CMTM7: variants seen among roughly 807,000 people sequenced by gnomAD.
The protein encoded by CMTM7 is CKLF-like MARVEL transmembrane domain-containing protein 7.
In CMTM7, 7 loss-of-function variants were observed where a neutral mutation model predicts 19.3. That is an observed-to-expected ratio of 0.36 (90% CI 0.21 to 0.68). CMTM7 has a LOEUF of 0.68. CMTM7 is among the 30% of genes least tolerant of loss of function. CMTM7 has a pLI of 0.60. For missense variants in CMTM7, 193 were observed against 232.6 expected (o/e 0.83, Z 1.11); for synonymous variants, 87 against 99.3 (o/e 0.88, Z 0.74).
intron 1 of CMTM7, 58 bp from the exon 2 acceptor site, chr3:32,441,782 G>T: frequency 6.6e-7 from 1 of 1,511,812 alleles, no homozygotes; most frequent in Non-Finnish European, 9.1e-7. Context: ...TCCGTTGTTT[G>T]TTCCCTGGGT....
At chr3:32,393,471 G>T (rs1695870100) in intron 1 of CMTM7, among the ~76,000 whole-genome samples, 2 of 152,138 alleles carry the variant, frequency 1.3e-5, no homozygotes, top group Non-Finnish European at 1.5e-5. Context: ...GGATGAGTTT[G>T]GTAGACAGAG....
At chr3:32,405,619 G>A (rs978511635) in intron 1 of CMTM7, among the ~76,000 whole-genome samples, 1 of 152,184 alleles carries the variant, frequency 6.6e-6, no homozygotes, top group Non-Finnish European at 1.5e-5. Flanking sequence ...GCCAAGTGTG[G>A]TGGCTCGCGC....
At chr3:32,405,048 A>T (rs905802002) in intron 1 of CMTM7, among the ~76,000 whole-genome samples, 57 of 152,224 alleles carry the variant, frequency 3.7e-4, no homozygotes, top group Admixed American at 3.7e-3. Context: ...AAGCCAGAGC[A>T]GCCCTCAGCT....
chr3:32,451,382 G>T (rs1048263264), intron 3 of CMTM7: 4 of 152,514 alleles, frequency 2.6e-5, no homozygotes, highest in African/African-American at 9.6e-5. Flanking sequence ...ACTGCAGAGT[G>T]CGGACTCTGG....
intron 1 of CMTM7, among the ~76,000 whole-genome samples, chr3:32,419,592 A>G (rs1055483852): frequency 6.6e-6 from 1 of 152,078 alleles, no homozygotes; most frequent in African/African-American, 2.4e-5. Flanking sequence ...ATGACTGGAT[A>G]TTGAATTTTG....
intron 1 of CMTM7, among the ~76,000 whole-genome samples, chr3:32,424,933 A>G (rs531882483): frequency 6.6e-6 from 1 of 152,334 alleles, no homozygotes; most frequent in South Asian, 2.1e-4. Flanking sequence ...GGCATGAGCC[A>G]CTGTCCTGGG....
intron 1 of CMTM7, among the ~76,000 whole-genome samples, chr3:32,400,642 C>T (rs576211544): frequency 1.2e-4 from 18 of 152,016 alleles, no homozygotes; most frequent in Non-Finnish European, 4.4e-5. Context: ...CCACCTGCCT[C>T]GGCCTCCCAA....
chr3:32,422,094 C>T lies in CMTM7; in HGVS notation c.160-19746C>T, dbSNP rs144926923. Among the ~76,000 whole-genome samples the T allele has an allele frequency of 2.2e-3, 331 of 152,294 alleles. 1 individual carries two copies. The highest frequency in any genetic ancestry group is 7.8e-3 in the African/African-American group (326 of 41,564). On this transcript the variant is annotated intron_variant, in intron 1 of 4. Transcript: ENST00000334983. ...TGATGGAAGGCAAGCCTTTGGCTAA[C>T]ACTCATACTTCCTTCCCCAGGCCCC...
chr3:32,405,960 A>G (rs1195522955), intron 1 of CMTM7, among the ~76,000 whole-genome samples: 1 of 152,226 alleles, frequency 6.6e-6, no homozygotes, highest in Non-Finnish European at 1.5e-5. Context: ...TTCAGAATGT[A>G]CCAAAAGTCC....
intron 3 of CMTM7, among the ~76,000 whole-genome samples, chr3:32,450,459 C>T (rs944276468): frequency 2.6e-5 from 4 of 152,270 alleles, no homozygotes; most frequent in African/African-American, 9.6e-5. Flanking sequence ...CTTTCACTTA[C>T]GTATATTACC....
At chr3:32,424,234 C>T (rs953883785) in intron 1 of CMTM7, among the ~76,000 whole-genome samples, 1 of 152,170 alleles carries the variant, frequency 6.6e-6, no homozygotes, top group Admixed American at 6.5e-5. Context: ...ATGGCCTCTC[C>T]AGTGCTCTAA....
At chr3:32,394,832 A>C (rs535254335) in intron 1 of CMTM7, among the ~76,000 whole-genome samples, 20 of 151,688 alleles carry the variant, frequency 1.3e-4, no homozygotes, top group Non-Finnish European at 2.8e-4. Flanking sequence ...AGTAGCTGGG[A>C]CTACAGGCAC....
At chr3:32,403,521 G>GT (rs1696041285) in intron 1 of CMTM7, among the ~76,000 whole-genome samples, 1 of 152,114 alleles carries the variant, frequency 6.6e-6, no homozygotes, top group African/African-American at 2.4e-5. Context: ...CGGGCTAGGT[G>GT]TTTTTTATAT....
intron 1 of CMTM7, among the ~76,000 whole-genome samples, chr3:32,412,178 T>C (rs1325315950): frequency 2.0e-5 from 3 of 151,726 alleles, no homozygotes; most frequent in Non-Finnish European, 4.4e-5. Context: ...CATGTTAATA[T>C]ACCTAAATTA....
chr3:32,451,698 C>T, intron 3 of CMTM7: 1 of 189,960 alleles, frequency 5.3e-6, no homozygotes, highest in African/African-American at 2.4e-5. Flanking sequence ...GAAGAAGCTA[C>T]TGCCTCTTCC....
intron 1 of CMTM7, among the ~76,000 whole-genome samples, chr3:32,433,514 C>T (rs781431229): frequency 9.9e-5 from 15 of 152,166 alleles, no homozygotes; most frequent in Non-Finnish European, 1.8e-4. Context: ...TGGCACCCTC[C>T]GGGGGCATTT....
intron 4 of CMTM7, among the ~76,000 whole-genome samples, chr3:32,453,835 G>T (rs1696870125): frequency 6.6e-6 from 1 of 152,152 alleles, no homozygotes; most frequent in African/African-American, 2.4e-5. Context: ...TCCCAGTAAA[G>T]CTGTTTAAGA....
intron 1 of CMTM7, among the ~76,000 whole-genome samples, chr3:32,416,498 C>T (rs948463734): frequency 7.6e-6 from 1 of 131,552 alleles, no homozygotes; most frequent in African/African-American, 2.8e-5. Context: ...TCACTCCATT[C>T]TCCTGCCTCA....
intron 1 of CMTM7, among the ~76,000 whole-genome samples, chr3:32,401,871 A>AG (rs1696012510): frequency 6.6e-6 from 1 of 152,166 alleles, no homozygotes; most frequent in Admixed American, 6.5e-5. Context: ...CGGAGCGGAA[A>AG]GGGGGCTGGG....
Sources: gnomAD v4.1 joint callset for allele counts (sites outside exome capture counted in the v4.1 genomes callset) on GRCh38, gnomAD v4.1.1 for gene constraint, MANE v1.5 for transcripts, NCBI Gene and HGNC (gene_info 2026-07-23, HGNC 2026-07-21) for gene names.